The following DISC1 variants were observed in gnomAD, a reference collection of about 807,000 sequenced individuals.
DISC1 encodes the protein DISC1 scaffold protein.
In DISC1, 57 loss-of-function variants were observed where a neutral mutation model predicts 84.5. That is an observed-to-expected ratio of 0.67 (90% CI 0.55 to 0.84). The LOEUF (loss-of-function observed/expected upper bound fraction) is 0.84. DISC1 is among the 40% of genes least tolerant of loss of function. The pLI, the probability that DISC1 is intolerant of heterozygous loss-of-function variation, is 0.00. For synonymous variants in DISC1, 411 were observed against 415.2 expected, an observed-to-expected ratio of 0.99 and a Z score of 0.12; for missense variants, 1,000 against 1,057.8, an observed-to-expected ratio of 0.95 and a Z score of 0.76.
At chr1:231,873,576 G>A (rs759524621) in intron 9 of DISC1, among the ~76,000 whole-genome samples, 21 of 152,320 alleles carry the variant, frequency 1.4e-4, no homozygotes, top group Non-Finnish European at 2.1e-4. Flanking sequence ...GAGGGTTTAG[G>A]AATTGTAAGG....
intron 6 of DISC1, among the ~76,000 whole-genome samples, chr1:231,794,930 G>A (rs1481404549): frequency 6.6e-6 from 1 of 152,104 alleles, no homozygotes; most frequent in Non-Finnish European, 1.5e-5. Context: ...GGTTGTTATA[G>A]GAATGCAGAT....
chr1:231,722,576 G>T (rs771718802), intron 3 of DISC1: 1 of 1,614,074 alleles, frequency 6.2e-7, no homozygotes, highest in South Asian at 1.1e-5. Context: ...TGGAAGCCTC[G>T]ACATCCTGAA....
intron 1 of DISC1, among the ~76,000 whole-genome samples, chr1:231,658,509 T>C (rs1398737002): frequency 6.6e-6 from 1 of 152,194 alleles, no homozygotes; most frequent in Non-Finnish European, 1.5e-5. Flanking sequence ...GAACTTCCAA[T>C]ACTATGTTGA....
chr1:231,960,239 C>A (rs764354931), intron 10 of DISC1, among the ~76,000 whole-genome samples: 3 of 151,870 alleles, frequency 2.0e-5, no homozygotes, highest in Non-Finnish European at 2.9e-5. Flanking sequence ...TTTCCTTTAC[C>A]TTCTTCTTAT....
At chr1:231,860,532 T>C (rs2125921861) in intron 9 of DISC1, among the ~76,000 whole-genome samples, 1 of 152,316 alleles carries the variant, frequency 6.6e-6, no homozygotes, top group Middle Eastern at 3.4e-3. Context: ...TTTTGTGTAA[T>C]GTCTTACGAT....
intron 1 of DISC1, among the ~76,000 whole-genome samples, chr1:231,692,844 C>A (rs1230895028): frequency 6.6e-6 from 1 of 152,248 alleles, no homozygotes; most frequent in African/African-American, 2.4e-5. Context: ...GCTATAGTTT[C>A]GGGTCGGATT....
chr1:232,002,469 T>C (rs979807086), intron 10 of DISC1, among the ~76,000 whole-genome samples: 16 of 152,108 alleles, frequency 1.1e-4, no homozygotes, highest in African/African-American at 3.9e-4. Context: ...ACACTAGGAG[T>C]ATCCGAGATG....
chr1:231,695,975 G>GGTGAT (rs1206094771), intron 2 of DISC1, among the ~76,000 whole-genome samples: 2 of 152,080 alleles, frequency 1.3e-5, no homozygotes, highest in African/African-American at 4.8e-5. Flanking sequence ...TTGTATTCTG[G>GGTGAT]GTGATGTGTG....
Position 231,873,997 on chromosome 1 carries a change from A to G in DISC1, c.1981+55480A>G, listed in dbSNP as rs529731513. Among the ~76,000 whole-genome samples the G allele has an allele frequency of 4.0e-5, 6 of 151,868 alleles. No homozygotes were observed. In the South Asian group the frequency reaches 1.3e-3, roughly 32 times the overall value. Reference sequence around the variant, plus strand: ...TGAGTAGCTGGGACTACAGGCATGCACCACCACGCCCAGCTATTTTTTTTA... The same window carrying G: ...TGAGTAGCTGGGACTACAGGCATGCGCCACCACGCCCAGCTATTTTTTTTA... On this transcript the variant is annotated intron_variant, in intron 9 of 12. Transcript: ENST00000439617.
chr1:231,816,414 A>G (rs1194890029), intron 8 of DISC1, among the ~76,000 whole-genome samples: 1 of 152,186 alleles, frequency 6.6e-6, no homozygotes, highest in African/African-American at 2.4e-5. Flanking sequence ...TTTGATGAGA[A>G]GTTTTTAATT....
chr1:231,674,139 A>G (rs919668579), intron 1 of DISC1, among the ~76,000 whole-genome samples: 3 of 152,376 alleles, frequency 2.0e-5, no homozygotes, highest in East Asian at 3.9e-4. Context: ...ATTAAATGAC[A>G]TAAAATATGT....
intron 8 of DISC1, among the ~76,000 whole-genome samples, chr1:231,811,105 T>A (rs2080249186): frequency 2.6e-5 from 4 of 152,210 alleles, no homozygotes; most frequent in Admixed American, 2.6e-4. Flanking sequence ...CCCCTTGTAT[T>A]CTATGAAATA....
intron 6 of DISC1, chr1:231,774,772 G>C: frequency 2.2e-6 from 1 of 456,056 alleles, no homozygotes; most frequent in Admixed American, 2.3e-5. Flanking sequence ...ATCTGCAGAA[G>C]TGAAGCATTT....
rs568035331 is a variant in DISC1 at position 232,022,904 on chromosome 1, T to C, written c.2308-3531T>C. Among the ~76,000 whole-genome samples, 45 of 152,268 alleles carry C rather than the reference T, an allele frequency of 3.0e-4. 2 individuals carry two copies. The South Asian group carries it at 5.0e-3, about 17-fold the overall frequency. On this transcript the variant is annotated intron_variant, in intron 11 of 12. Coordinates refer to ENST00000439617, the MANE Select transcript of DISC1 (RefSeq NM_018662.3). Reference sequence around the variant, plus strand: ...CTGCACAAGCCTGAGAGAGATCCTGTAACTTGTGCCTTGGAAAAACAGCCC... The same window carrying C: ...CTGCACAAGCCTGAGAGAGATCCTGCAACTTGTGCCTTGGAAAAACAGCCC...
At chr1:231,640,984 A>T (rs2059601924) in intron 1 of DISC1, among the ~76,000 whole-genome samples, 1 of 152,188 alleles carries the variant, frequency 6.6e-6, no homozygotes, top group Admixed American at 6.5e-5. Context: ...ACAAATGATA[A>T]CCTACCCTGT....
At chr1:231,965,592 A>G (rs1294481154) in intron 10 of DISC1, among the ~76,000 whole-genome samples, 6 of 152,244 alleles carry the variant, frequency 3.9e-5, no homozygotes, top group Non-Finnish European at 8.8e-5. Flanking sequence ...CATCCAGCAT[A>G]AATTCCACAG....
chr1:231,684,331 G>A (rs12034296), intron 1 of DISC1, among the ~76,000 whole-genome samples: 58,505 of 151,450 alleles, frequency 0.39, 11,837 homozygotes, highest in African/African-American at 0.51. Flanking sequence ...AATATTTCAC[G>A]GTTATAAAAA....
chr1:231,958,588 C>T (rs1225271152), intron 9 of DISC1, among the ~76,000 whole-genome samples: 1 of 152,208 alleles, frequency 6.6e-6, no homozygotes, highest in East Asian at 1.9e-4. Flanking sequence ...GCAAGGCTGG[C>T]TCAGCGCTAT....
At chr1:231,793,300 A>G (rs962437715) in intron 6 of DISC1, among the ~76,000 whole-genome samples, 1 of 152,126 alleles carries the variant, frequency 6.6e-6, no homozygotes, top group Admixed American at 6.6e-5. Flanking sequence ...TCATCATTTA[A>G]TCAAGTAATC....
Sources: allele counts gnomAD v4.1 joint callset (sites outside exome capture counted in the v4.1 genomes callset), GRCh38; gene constraint gnomAD v4.1.1; transcripts MANE v1.5; gene names NCBI Gene and HGNC (gene_info 2026-07-23, HGNC 2026-07-21).